Variants in SCLT1 observed in about 807,000 individuals in gnomAD.
SCLT1 encodes the protein sodium channel and clathrin linker 1.
A neutral mutation model predicts 112.8 loss-of-function variants in SCLT1; 78 were observed. The ratio of observed to expected loss-of-function variants is 0.69; its 90% CI spans 0.58 to 0.83. SCLT1 has a LOEUF of 0.83. Among genes scored for constraint, SCLT1 ranks in the 40% least tolerant of loss-of-function variants. SCLT1 has a pLI of 0.00. For missense variants in SCLT1, 747 were observed against 770.4 expected, an observed-to-expected ratio of 0.97 and a Z score of 0.36; for synonymous variants, 257 against 254.7, an observed-to-expected ratio of 1.01 and a Z score of -0.09.
chr4:128,976,148 G>A (rs1056118315), intron 9 of SCLT1, among the ~76,000 whole-genome samples: 7 of 152,090 alleles, frequency 4.6e-5, no homozygotes, highest in African/African-American at 1.4e-4. Flanking sequence ...TTGTGTGTAC[G>A]AAAGTGAGCT....
chr4:128,948,804 G>C (rs1311764911), intron 14 of SCLT1, among the ~76,000 whole-genome samples: 1 of 152,124 alleles, frequency 6.6e-6, no homozygotes, highest in African/African-American at 2.4e-5. Context: ...GACTGAGGTT[G>C]GGGGATTCCA....
chr4:129,028,114 T>C (rs1039402917), intron 5 of SCLT1, among the ~76,000 whole-genome samples: 3 of 152,202 alleles, frequency 2.0e-5, no homozygotes, highest in Non-Finnish European at 4.4e-5. Context: ...AGGTAATTTA[T>C]AGATTGAATG....
intron 4 of SCLT1, among the ~76,000 whole-genome samples, chr4:129,043,087 A>T (rs1747855709): frequency 6.6e-6 from 1 of 150,890 alleles, no homozygotes; most frequent in Admixed American, 6.6e-5. Flanking sequence ...AAAGAAAAGA[A>T]AAAAAAAAGA....
At chr4:129,009,241 C>T (rs1173005612) in intron 5 of SCLT1, among the ~76,000 whole-genome samples, 14 of 152,072 alleles carry the variant, frequency 9.2e-5, no homozygotes, top group Admixed American at 5.2e-4. Flanking sequence ...CCAAGCCGGG[C>T]GCGGTGGCTC....
chr4:129,045,060 T>G (rs1229048401), intron 2 of SCLT1, among the ~76,000 whole-genome samples: 1 of 151,980 alleles, frequency 6.6e-6, no homozygotes, highest in Non-Finnish European at 1.5e-5. Flanking sequence ...TAGTACTGGA[T>G]AGCAAAACAA....
At chr4:128,957,208 T>C in intron 12 of SCLT1, 84 bp from the exon 13 acceptor site, 1 of 696,240 alleles carries the variant, frequency 1.4e-6, no homozygotes, top group East Asian at 2.9e-5. Flanking sequence ...CACTAGTCAC[T>C]TCCTTATTCA....
At chr4:128,913,847 A>G (rs930306048) in intron 18 of SCLT1, among the ~76,000 whole-genome samples, 8 of 152,228 alleles carry the variant, frequency 5.3e-5, no homozygotes, top group African/African-American at 1.9e-4. Flanking sequence ...TGTCTCCCCT[A>G]TTAGAATGAA....
At chr4:128,925,457 G>A (rs1452806338) in intron 18 of SCLT1, among the ~76,000 whole-genome samples, 1 of 151,958 alleles carries the variant, frequency 6.6e-6, no homozygotes, top group African/African-American at 2.4e-5. Flanking sequence ...CCAAGTAGCT[G>A]AGATTACAGG....
chr4:128,979,543 A>G (rs1741467854), intron 9 of SCLT1, among the ~76,000 whole-genome samples: 1 of 152,166 alleles, frequency 6.6e-6, no homozygotes, highest in South Asian at 2.1e-4. Flanking sequence ...ACTGTAATAA[A>G]TACATTTCTG....
intron 5 of SCLT1, among the ~76,000 whole-genome samples, chr4:129,019,131 C>T (rs1038547669): frequency 6.6e-6 from 1 of 151,900 alleles, no homozygotes; most frequent in South Asian, 2.1e-4. Flanking sequence ...TCATATAGTC[C>T]AAGACTTTAA....
chr4:129,001,903 C>A (rs947911296), intron 6 of SCLT1, among the ~76,000 whole-genome samples: 2 of 151,822 alleles, frequency 1.3e-5, no homozygotes, highest in African/African-American at 2.4e-5. Context: ...TCTATTTAAT[C>A]CCATGAAATC....
At chr4:128,990,958 A>G (rs1742517736) in intron 9 of SCLT1, among the ~76,000 whole-genome samples, 1 of 151,982 alleles carries the variant, frequency 6.6e-6, no homozygotes, top group South Asian at 2.1e-4. Flanking sequence ...AAGATATTCC[A>G]TGTTCATGAA....
chr4:128,993,650 A>C lies in SCLT1; in HGVS notation c.616-1413T>G, dbSNP rs549532077. Among the ~76,000 whole-genome samples the C allele has an allele frequency of 2.0e-5, 3 of 152,096 alleles. No homozygotes were observed. The South Asian group carries it at 6.2e-4, about 32-fold the overall frequency. On this transcript the variant is annotated intron_variant, in intron 8 of 20. Transcript: ENST00000281142. ...TATATTAATATTTTAGAATTAGGAG[A>C]CTCGAGAAGGTGCAGGGAAGCATCC...
At chr4:128,895,606 T>A (rs1018958050) in intron 18 of SCLT1, among the ~76,000 whole-genome samples, 7 of 152,178 alleles carry the variant, frequency 4.6e-5, no homozygotes, top group Non-Finnish European at 1.0e-4. Context: ...GCTCCCAGCA[T>A]GAGCAACGCA....
chr4:128,975,934 TA>T (rs1263985176), intron 9 of SCLT1, among the ~76,000 whole-genome samples: 4 of 152,210 alleles, frequency 2.6e-5, no homozygotes, highest in African/African-American at 4.8e-5. Flanking sequence ...AAAGAAATTC[TA>T]AAAGCAGTGG....
chr4:128,940,687 C>G (rs996178644), intron 17 of SCLT1, among the ~76,000 whole-genome samples: 7 of 151,110 alleles, frequency 4.6e-5, no homozygotes, highest in Admixed American at 2.0e-4. Flanking sequence ...TAAATAAAAG[C>G]AATTATGTAG....
downstream of SCLT1, among the ~76,000 whole-genome samples, chr4:128,880,859 G>A (rs1732625487): frequency 6.6e-6 from 1 of 152,122 alleles, no homozygotes; most frequent in African/African-American, 2.4e-5. Flanking sequence ...AAAAGAGAAA[G>A]GGTACATAGT....
intron 9 of SCLT1, among the ~76,000 whole-genome samples, chr4:128,984,271 G>A (rs1043734148): frequency 6.6e-6 from 1 of 152,022 alleles, no homozygotes; most frequent in African/African-American, 2.4e-5. Flanking sequence ...TTTTTCCCCT[G>A]CAATCAACTC....
At chr4:129,076,953 G>A (rs1447931758) in intron 2 of SCLT1, among the ~76,000 whole-genome samples, 1 of 151,966 alleles carries the variant, frequency 6.6e-6, no homozygotes, top group Middle Eastern at 3.2e-3. Flanking sequence ...GAGAACAGAT[G>A]ATTGAATTAT....
Sources: gnomAD v4.1 joint callset for allele counts (sites outside exome capture counted in the v4.1 genomes callset) on GRCh38, gnomAD v4.1.1 for gene constraint, MANE v1.5 for transcripts, NCBI Gene and HGNC (gene_info 2026-07-23, HGNC 2026-07-21) for gene names.